The following SLC17A1 variants were observed in gnomAD, a reference collection of about 807,000 sequenced individuals.
SLC17A1 encodes solute carrier family 17 member 1, also known as sodium-dependent phosphate transport protein 1.
Under a neutral mutation model 53.5 loss-of-function variants are expected in SLC17A1, and 51 were observed. That is an observed-to-expected ratio of 0.95 (90% CI 0.76 to 1.20). The LOEUF is 1.20. SLC17A1 is among the 50% of genes most tolerant of loss of function. The pLI, the probability that SLC17A1 is intolerant of heterozygous loss-of-function variation, is 0.00. For synonymous variants in SLC17A1, 179 were observed against 198.8 expected (o/e 0.90, Z 0.84); for missense variants, 538 against 568.2 (o/e 0.95, Z 0.54).
At chr6:25,810,090 C>T (rs369736073) in intron 10 of SLC17A1, among the ~76,000 whole-genome samples, 3 of 151,900 alleles carry the variant, frequency 2.0e-5, no homozygotes, top group Non-Finnish European at 4.4e-5. Context: ...ACACTCATCG[C>T]GTGCCTTATA....
At chr6:25,776,751 G>A in the SLC17A1 span, 1 of 1,613,904 alleles carries the variant, frequency 6.2e-7, no homozygotes, top group Non-Finnish European at 8.5e-7. Flanking sequence ...TGGACACAGG[G>A]GTGAACGTGG....
At chr6:25,768,667 A>T in the SLC17A1 span, among the ~76,000 whole-genome samples, 1 of 152,090 alleles carries the variant, frequency 6.6e-6, no homozygotes, top group Non-Finnish European at 1.5e-5. Context: ...GCTCCCAGCC[A>T]ATTCTTTCTC....
rs1381447447 is a variant in SLC17A1 at position 25,816,085 on chromosome 6, G to A, written c.617-2872C>T. 2.0e-5 allele frequency among the ~76,000 whole-genome samples: 3 copies of A among 151,986 alleles called. No individual in the cohort carries two copies. The East Asian group carries it at 5.8e-4, about 29-fold the overall frequency. The stretch of plus-strand genomic sequence containing the variant: ...GTGGTAAGCAACTAACTTGATTTTC[G>A]GTTACAATATAATATTCAACTTCAG... On this transcript the variant is annotated intron_variant, in intron 6 of 12. Transcript: ENST00000244527.
chr6:25,804,112 A>T (rs1763877116), intron 10 of SLC17A1, among the ~76,000 whole-genome samples: 1 of 152,122 alleles, frequency 6.6e-6, no homozygotes, highest in African/African-American at 2.4e-5. Flanking sequence ...ATTAATGATT[A>T]TATCTGACTT....
At chr6:25,797,899 C>G (rs762085729) in intron 12 of SLC17A1, among the ~76,000 whole-genome samples, 1 of 152,102 alleles carries the variant, frequency 6.6e-6, no homozygotes, top group Admixed American at 6.6e-5. Context: ...AGACCCTGAG[C>G]CTTTTGACCT....
At position 25,813,218 on chromosome 6, in the gene SLC17A1, C is replaced by T. The variant is rs1322683169; in HGVS notation, c.617-5G>A. 3.7e-6 allele frequency: 6 copies of T among 1,610,832 alleles called. No homozygotes were observed. In the South Asian group the frequency reaches 6.6e-5, roughly 18 times the overall value. On this transcript the variant is annotated splice_region_variant and splice_polypyrimidine_tract_variant and intron_variant, in intron 6 of 12. Coordinates refer to ENST00000244527, the MANE Select transcript of SLC17A1 (RefSeq NM_005074.5). ...ATACGGCACAGCCACAAGCACCTAT[C>T]AAAGCAGGGTAAGTTAGAATTGGAA...
chr6:25,758,990 G>A, the SLC17A1 span, among the ~76,000 whole-genome samples: 14 of 151,982 alleles, frequency 9.2e-5, no homozygotes, highest in Admixed American at 1.3e-4. Context: ...GTTTTGATAG[G>A]TTATGTCACG....
the SLC17A1 span, among the ~76,000 whole-genome samples, chr6:25,775,351 T>C: frequency 6.6e-6 from 1 of 150,422 alleles, no homozygotes; most frequent in Non-Finnish European, 1.5e-5. Flanking sequence ...ATAGAAAGAC[T>C]GAAAAATCTT....
the SLC17A1 span, among the ~76,000 whole-genome samples, chr6:25,731,417 A>G: frequency 7.9e-5 from 12 of 152,364 alleles, 1 homozygote; most frequent in East Asian, 1.3e-3. Context: ...GGGGAGCTCC[A>G]GGCCTTTTTT....
At chr6:25,796,619 T>C (rs946602476) in intron 12 of SLC17A1, among the ~76,000 whole-genome samples, 1 of 152,146 alleles carries the variant, frequency 6.6e-6, no homozygotes, top group Admixed American at 6.5e-5. Context: ...AAAAAATTTT[T>C]CTTCAAACTT....
At chr6:25,775,986 C>T in the SLC17A1 span, among the ~76,000 whole-genome samples, 1 of 152,080 alleles carries the variant, frequency 6.6e-6, no homozygotes, top group Admixed American at 6.6e-5. Flanking sequence ...ATTTCTCATA[C>T]CTTTGTGCAA....
chr6:25,731,310 G>A, the SLC17A1 span, among the ~76,000 whole-genome samples: 1 of 152,226 alleles, frequency 6.6e-6, no homozygotes, highest in Non-Finnish European at 1.5e-5. Flanking sequence ...AGGTGCTGGA[G>A]CTGGTCCACC....
Position 25,819,755 on chromosome 6 carries a change from A to C in SLC17A1, c.368T>G (p.Leu123Arg). 6.2e-7 allele frequency: 1 copy of C among 1,614,218 alleles called. No homozygotes were observed. The highest frequency in any genetic ancestry group is 8.5e-7 in the Non-Finnish European group (1 of 1,180,024). The part of the protein sequence containing the change: ...FALCLSSVLS[L>R]LIPPAAGIGV... ...AATTCCAGCTGCTGGTGGGATGAGC[A>C]GGCTTAACACAGAGCTGAGGCATAA... is the stretch of plus-strand genomic sequence containing the variant. The change falls in exon 4 of 13, where the codon CTG (leucine) becomes CGG (arginine). Residue 123 changes from leucine (L) to arginine (R), a missense_variant. Coordinates refer to ENST00000244527, the MANE Select transcript of SLC17A1 (RefSeq NM_005074.5).
At chr6:25,765,304 T>C in the SLC17A1 span, among the ~76,000 whole-genome samples, 3,790 of 152,360 alleles carry the variant, frequency 0.025, 71 homozygotes, top group Middle Eastern at 0.095. Context: ...GCAGTCTTTA[T>C]GTATTAATTC....
At chr6:25,773,893 A>C in the SLC17A1 span, among the ~76,000 whole-genome samples, 1 of 152,038 alleles carries the variant, frequency 6.6e-6, no homozygotes, top group East Asian at 1.9e-4. Context: ...TTCTAGTTTG[A>C]TTTTCATACA....
the SLC17A1 span, chr6:25,770,015 A>C: frequency 6.4e-7 from 1 of 1,559,348 alleles, no homozygotes; most frequent in Non-Finnish European, 8.8e-7. Context: ...CTCACAATGA[A>C]AACTGTCAAT....
chr6:25,810,262 G>A (rs1469051787), intron 10 of SLC17A1, among the ~76,000 whole-genome samples: 2 of 152,002 alleles, frequency 1.3e-5, no homozygotes, highest in Non-Finnish European at 2.9e-5. Flanking sequence ...ACAGACAAAT[G>A]GGATTATATC....
the SLC17A1 span, chr6:25,768,454 A>G: frequency 3.3e-6 from 3 of 902,550 alleles, no homozygotes; most frequent in Non-Finnish European, 4.0e-6. Flanking sequence ...AGATTATAGT[A>G]TTAAGATGAA....
chr6:25,741,109 G>A, the SLC17A1 span, among the ~76,000 whole-genome samples: 1 of 152,126 alleles, frequency 6.6e-6, no homozygotes, highest in Admixed American at 6.5e-5. Context: ...ACAGTAGGAT[G>A]AGTATAGTTA....
Sources: gnomAD v4.1 joint callset for allele counts (sites outside exome capture counted in the v4.1 genomes callset) on GRCh38, gnomAD v4.1.1 for gene constraint, MANE v1.5 for transcripts, NCBI Gene and HGNC (gene_info 2026-07-23, HGNC 2026-07-21) for gene names.